PPP1R9A: variants seen among roughly 807,000 people sequenced by gnomAD.
PPP1R9A encodes the protein neurabin-1.
PPP1R9A carries 59 observed loss-of-function variants against 141.9 expected under a neutral mutation model. That is an observed-to-expected ratio of 0.42 (90% CI 0.34 to 0.52). The LOEUF is 0.52. PPP1R9A is among the 20% of genes least tolerant of loss of function. The probability of loss-of-function intolerance (pLI) is 0.10; values close to 1 mark genes in which losing one functional copy is unlikely to be tolerated. For synonymous variants in PPP1R9A, 500 were observed against 569.7 expected (o/e 0.88, Z 1.74); for missense variants, 1,444 against 1,611.9 (o/e 0.90, Z 1.78).
At chr7:94,981,728 C>G (rs1175872371) in intron 2 of PPP1R9A, among the ~76,000 whole-genome samples, 5 of 152,050 alleles carry the variant, frequency 3.3e-5, no homozygotes, top group African/African-American at 1.2e-4. Context: ...TCTTTTCACA[C>G]TAGTGTCCAT....
At chr7:94,987,578 C>T (rs1031181531) in intron 2 of PPP1R9A, among the ~76,000 whole-genome samples, 2 of 151,992 alleles carry the variant, frequency 1.3e-5, no homozygotes, top group South Asian at 4.1e-4. Context: ...AGTCACATAC[C>T]CTTACCCTAA....
At chr7:95,250,388 A>G in intron 10 of PPP1R9A, 133 bp downstream of exon 10, 1 of 760,344 alleles carries the variant, frequency 1.3e-6, no homozygotes, top group African/African-American at 1.8e-5. Flanking sequence ...GCATAGTTAC[A>G]GCATAAATAC....
intron 2 of PPP1R9A, among the ~76,000 whole-genome samples, chr7:95,048,523 T>TTTGTTGTTGTTG (rs34158265): frequency 2.0e-5 from 3 of 150,594 alleles, no homozygotes; most frequent in African/African-American, 4.9e-5. Flanking sequence ...ATGACAGCGT[T>TTTGTTGTTGTTG]TTGTTGTTGT....
rs180838145 is a variant in PPP1R9A at position 95,179,005 on chromosome 7, C to G, written c.1754+17034C>G. Among the ~76,000 whole-genome samples the G allele has an allele frequency of 4.6e-5, 7 of 151,948 alleles. No homozygotes were observed. In the East Asian group the frequency reaches 1.4e-3, roughly 29 times the overall value. On this transcript the variant is annotated intron_variant, in intron 5 of 19. Transcript: ENST00000433360. ...CAATTCCAGATAGAGAAAGAGGGAA[C>G]CCTCCCTAAATCATTCTATGAAGCC...
chr7:95,096,975 G>T (rs1413778886), intron 2 of PPP1R9A, among the ~76,000 whole-genome samples: 1 of 152,094 alleles, frequency 6.6e-6, no homozygotes, highest in Non-Finnish European at 1.5e-5. Context: ...CCATAGCATG[G>T]CCCACATCCC....
intron 8 of PPP1R9A, among the ~76,000 whole-genome samples, chr7:95,227,800 G>C (rs146956009): frequency 2.2e-4 from 33 of 152,132 alleles, no homozygotes; most frequent in African/African-American, 7.9e-4. Flanking sequence ...TTTTAGTTTT[G>C]GTTTCTAAGA....
intron 16 of PPP1R9A, among the ~76,000 whole-genome samples, chr7:95,275,111 T>C (rs915745823): frequency 1.6e-4 from 24 of 152,156 alleles, no homozygotes; most frequent in African/African-American, 5.3e-4. Flanking sequence ...TTGATCCTTA[T>C]AGGATTGAGA....
chr7:95,199,444 A>G (rs1321199790), intron 6 of PPP1R9A, among the ~76,000 whole-genome samples: 1 of 152,188 alleles, frequency 6.6e-6, no homozygotes, highest in Non-Finnish European at 1.5e-5. Context: ...TTTGCTTTCT[A>G]GCCAGGATAT....
chr7:95,093,030 C>T (rs1050802043), intron 2 of PPP1R9A, among the ~76,000 whole-genome samples: 8 of 152,222 alleles, frequency 5.3e-5, no homozygotes, highest in Middle Eastern at 3.4e-3. Context: ...TTTACCTTCC[C>T]GATATCAATA....
At chr7:95,023,814 A>G (rs1013159511) in intron 2 of PPP1R9A, among the ~76,000 whole-genome samples, 1 of 152,102 alleles carries the variant, frequency 6.6e-6, no homozygotes, top group Non-Finnish European at 1.5e-5. Context: ...GGCCTCCCAA[A>G]GTGTTGGGAT....
intron 5 of PPP1R9A, among the ~76,000 whole-genome samples, chr7:95,165,197 T>C (rs1396612685): frequency 6.6e-6 from 1 of 152,228 alleles, no homozygotes; most frequent in Non-Finnish European, 1.5e-5. Context: ...GACTTTCTTT[T>C]GGGTTTTCTA....
At chr7:94,966,602 T>C (rs1798246426) in intron 2 of PPP1R9A, among the ~76,000 whole-genome samples, 1 of 152,214 alleles carries the variant, frequency 6.6e-6, no homozygotes, top group African/African-American at 2.4e-5. Flanking sequence ...GTTCTGTTTA[T>C]GTGATGGATT....
At position 95,295,039 on chromosome 7, in the gene PPP1R9A, G is replaced by T. The variant is rs1175859096; in HGVS notation, c.*4736G>T. On this transcript the variant is annotated 3_prime_UTR_variant, in exon 20 of 20. Coordinates refer to ENST00000433360, the MANE Select transcript of PPP1R9A (RefSeq NM_001166160.2). ...GTAAGATGTATGCAATAAGAGAACA[G>T]ATAACTTCTCAACAATGTGCATGCC... 3 of 152,624 alleles carry T rather than the reference G, an allele frequency of 2.0e-5. No individual in the cohort carries two copies. The highest frequency in any genetic ancestry group is 2.0e-4 in the Admixed American group (3 of 15,274). 9.5% of individuals were successfully genotyped at this position (152,624 alleles called of 1,614,324 possible).
At chr7:94,949,179 C>T (rs1165850555) in intron 2 of PPP1R9A, among the ~76,000 whole-genome samples, 1 of 152,098 alleles carries the variant, frequency 6.6e-6, no homozygotes, top group Non-Finnish European at 1.5e-5. Context: ...GGGATTTTGC[C>T]TGTGTGTGAG....
At chr7:95,107,065 A>T (rs1819634959) in intron 2 of PPP1R9A, among the ~76,000 whole-genome samples, 1 of 152,144 alleles carries the variant, frequency 6.6e-6, no homozygotes, top group Non-Finnish European at 1.5e-5. Context: ...TACAGGCATG[A>T]GCCACTGTGT....
chr7:94,922,250 G>T (rs1184280327), intron 2 of PPP1R9A, among the ~76,000 whole-genome samples: 1 of 151,882 alleles, frequency 6.6e-6, no homozygotes, highest in Non-Finnish European at 1.5e-5. Context: ...AATCAGCACT[G>T]CATTGGAATA....
chr7:95,162,763 A>G (rs1407974791), intron 5 of PPP1R9A, among the ~76,000 whole-genome samples: 2 of 152,252 alleles, frequency 1.3e-5, no homozygotes, highest in Non-Finnish European at 1.5e-5. Context: ...TTAATGAGTT[A>G]ACATTGCTAT....
chr7:94,981,225 C>A (rs552593982), intron 2 of PPP1R9A, among the ~76,000 whole-genome samples: 1 of 152,082 alleles, frequency 6.6e-6, no homozygotes, highest in Non-Finnish European at 1.5e-5. Flanking sequence ...GCAGGGGGCC[C>A]AGTGTACTTA....
chr7:95,086,106 T>G (rs1816592969), intron 2 of PPP1R9A, among the ~76,000 whole-genome samples: 1 of 151,968 alleles, frequency 6.6e-6, no homozygotes. Context: ...TAGTTCTAAA[T>G]TTGTAGGAAA....
Sources: gnomAD v4.1 joint callset for allele counts (sites outside exome capture counted in the v4.1 genomes callset) on GRCh38, gnomAD v4.1.1 for gene constraint, MANE v1.5 for transcripts, NCBI Gene and HGNC (gene_info 2026-07-23, HGNC 2026-07-21) for gene names.